Variants in CDIN1 observed in about 807,000 individuals in gnomAD.
The protein encoded by CDIN1 is CDAN1 interacting nuclease 1, also known as CDAN1-interacting nuclease 1.
A neutral mutation model predicts 45.3 loss-of-function variants in CDIN1; 33 were observed. The ratio of observed to expected loss-of-function variants is 0.73; its 90% confidence interval spans 0.55 to 0.97. CDIN1 has a LOEUF of 0.97. CDIN1 is among the 50% of genes least tolerant of loss of function. CDIN1 has a pLI of 0.00. For synonymous variants in CDIN1, 118 were observed against 124.4 expected (o/e 0.95, Z 0.34); for missense variants, 303 against 339.4 (o/e 0.89, Z 0.84).
intron 1 of CDIN1, chr15:36,641,922 T>C (rs534020201): frequency 6.6e-6 from 1 of 152,370 alleles, no homozygotes; most frequent in East Asian, 1.9e-4. Context: ...AGAATCTTTC[T>C]CCTCTCCTCT....
intron 4 of CDIN1, among the ~76,000 whole-genome samples, chr15:36,655,716 G>GT (rs1317099365): frequency 6.6e-6 from 1 of 152,200 alleles, no homozygotes; most frequent in Non-Finnish European, 1.5e-5. Flanking sequence ...TAGGAATTTA[G>GT]TGATTGTCTT....
chr15:36,658,427 G>A (rs2040863498), intron 5 of CDIN1: 1 of 152,194 alleles, frequency 6.6e-6, no homozygotes, highest in Admixed American at 6.5e-5. Flanking sequence ...TGTGTCAACT[G>A]CATGATTAAA....
intron 1 of CDIN1, among the ~76,000 whole-genome samples, chr15:36,609,493 G>T (rs1022027297): frequency 1.3e-5 from 2 of 152,174 alleles, no homozygotes; most frequent in African/African-American, 4.8e-5. Flanking sequence ...TGGGTGTGGT[G>T]GCTCACACCT....
rs1216610133 is a variant in CDIN1 at position 36,686,076 on chromosome 15, C to T, written c.347-5609C>T. Among the ~76,000 whole-genome samples the T allele has an allele frequency of 2.6e-5, 4 of 151,898 alleles. No homozygotes were observed. In the East Asian group the frequency reaches 7.8e-4, roughly 29 times the overall value. Reference sequence around the variant, plus strand: ...CATTACTGGGTATATACCCAAATGACTATAAATCATGCTGCTATAAAGACA... The same window carrying T: ...CATTACTGGGTATATACCCAAATGATTATAAATCATGCTGCTATAAAGACA... On this transcript the variant is annotated intron_variant, in intron 5 of 10. Transcript: ENST00000566621.
intron 10 of CDIN1, among the ~76,000 whole-genome samples, chr15:36,719,427 TGATA>T (rs2043331388): frequency 6.6e-6 from 1 of 152,176 alleles, no homozygotes; most frequent in Admixed American, 6.5e-5. Flanking sequence ...TAATACTGAT[TGATA>T]TTTTAATGTT....
intron 1 of CDIN1, among the ~76,000 whole-genome samples, chr15:36,615,270 T>G (rs1186966242): frequency 6.6e-6 from 1 of 152,230 alleles, no homozygotes; most frequent in African/African-American, 2.4e-5. Flanking sequence ...TTTTAAAGTT[T>G]CTTTCCCTAC....
intron 1 of CDIN1, among the ~76,000 whole-genome samples, chr15:36,629,292 T>A (rs1179930717): frequency 6.6e-6 from 1 of 152,242 alleles, no homozygotes; most frequent in Non-Finnish European, 1.5e-5. Context: ...CTTGAGAAAG[T>A]AAAATTAATT....
At chr15:36,807,136 C>A (rs1176295217) in intron 10 of CDIN1, among the ~76,000 whole-genome samples, 1 of 152,072 alleles carries the variant, frequency 6.6e-6, no homozygotes, top group Non-Finnish European at 1.5e-5. Flanking sequence ...AATGTGGATC[C>A]CCAAATAAAC....
rs1407624142 is a variant in CDIN1, at chr15:36,640,034, T to G, written c.102-4244T>G. Among the ~76,000 whole-genome samples, 6 of 152,192 alleles carry G rather than the reference T, an allele frequency of 3.9e-5. No homozygotes were observed. In the East Asian group the frequency reaches 1.2e-3, roughly 29 times the overall value. ...TTTTCTTTATGTCTTGAATTTAGTT[T>G]ACAGATTTTTCCCTTTTCCCCCCTC... On this transcript the variant is annotated intron_variant, in intron 1 of 10. Coordinates refer to ENST00000566621, the MANE Select transcript of CDIN1 (RefSeq NM_001321759.2).
chr15:36,655,998 A>G (rs1009109256), intron 4 of CDIN1, among the ~76,000 whole-genome samples: 3 of 152,192 alleles, frequency 2.0e-5, no homozygotes, highest in Non-Finnish European at 4.4e-5. Flanking sequence ...CCATGAATAT[A>G]TAGCAGTATT....
chr15:36,612,088 C>T (rs2038676013), intron 1 of CDIN1, among the ~76,000 whole-genome samples: 1 of 152,208 alleles, frequency 6.6e-6, no homozygotes, highest in African/African-American at 2.4e-5. Flanking sequence ...ATAGAATCCT[C>T]CAGTTTTGAC....
chr15:36,587,487 T>C (rs923332796), intron 1 of CDIN1, among the ~76,000 whole-genome samples: 10 of 152,110 alleles, frequency 6.6e-5, no homozygotes, highest in Admixed American at 3.3e-4. Flanking sequence ...GGTGGTGAAC[T>C]TAGGAGTCCA....
intron 10 of CDIN1, chr15:36,799,298 G>GTCTT (rs1356455176): frequency 3.3e-5 from 5 of 152,132 alleles, no homozygotes; most frequent in Non-Finnish European, 7.3e-5. Context: ...GGGTTTCTAT[G>GTCTT]TCTTTTGCTA....
chr15:36,616,461 T>C (rs1308145155), intron 1 of CDIN1, among the ~76,000 whole-genome samples: 5 of 152,164 alleles, frequency 3.3e-5, no homozygotes, highest in Admixed American at 1.3e-4. Flanking sequence ...TTTGTATTTT[T>C]AGTAGAGACG....
At chr15:36,606,644 C>G (rs904292491) in intron 1 of CDIN1, among the ~76,000 whole-genome samples, 1 of 152,128 alleles carries the variant, frequency 6.6e-6, no homozygotes, top group South Asian at 2.1e-4. Flanking sequence ...TAATTTTCTC[C>G]CACAGCAGTT....
intron 1 of CDIN1, among the ~76,000 whole-genome samples, chr15:36,583,632 G>C (rs1477551644): frequency 6.6e-6 from 1 of 152,170 alleles, no homozygotes; most frequent in Non-Finnish European, 1.5e-5. Context: ...AATGTATAAT[G>C]AGAGCAATTT....
chr15:36,646,731 G>A (rs1350683897), intron 3 of CDIN1, among the ~76,000 whole-genome samples: 3 of 152,136 alleles, frequency 2.0e-5, no homozygotes, highest in East Asian at 1.9e-4. Flanking sequence ...ATGATTTTAT[G>A]TCTGGATTTT....
intron 10 of CDIN1, among the ~76,000 whole-genome samples, chr15:36,802,453 A>AGCAAGATGATATC (rs2055082272): frequency 6.6e-6 from 1 of 152,202 alleles, no homozygotes; most frequent in South Asian, 2.1e-4. Context: ...GGGTTAATTT[A>AGCAAGATGATATC]GCAAGATGAT....
chr15:36,620,685 C>T lies in CDIN1; in HGVS notation c.102-23593C>T, dbSNP rs377678000. 1.9e-4 allele frequency among the ~76,000 whole-genome samples: 29 copies of T among 152,204 alleles called. No individual in the cohort carries two copies. In the South Asian group the frequency reaches 3.1e-3, roughly 16 times the overall value. ...AATTTTAGGTCCCAAGATGGTAAGG[C>T]GGACTGACCTTACAGTAATTTATTT... On this transcript the variant is annotated intron_variant, in intron 1 of 10. Transcript: ENST00000566621.
Sources: allele counts gnomAD v4.1 joint callset (sites outside exome capture counted in the v4.1 genomes callset), GRCh38; gene constraint gnomAD v4.1.1; transcripts MANE v1.5; gene names NCBI Gene and HGNC (gene_info 2026-07-23, HGNC 2026-07-21).